Variants in SNX9 observed in about 807,000 individuals in gnomAD.
SNX9 encodes sorting nexin 9, also known as sorting nexin-9.
SNX9 carries 44 observed loss-of-function variants against 89.4 expected under a neutral mutation model. That is an observed-to-expected ratio of 0.49 (90% CI 0.39 to 0.63). The LOEUF (loss-of-function observed/expected upper bound fraction) is 0.63. Ranked by LOEUF, SNX9 falls within the 30% of genes least tolerant of loss-of-function variation. SNX9 has a pLI of 0.00. For missense variants in SNX9, 578 were observed against 736.1 expected, an observed-to-expected ratio of 0.79 and a Z score of 2.49; for synonymous variants, 236 against 247.8, an observed-to-expected ratio of 0.95 and a Z score of 0.45.
At chr6:157,905,107 G>A (rs1431311735) in intron 6 of SNX9, among the ~76,000 whole-genome samples, 1 of 152,158 alleles carries the variant, frequency 6.6e-6, no homozygotes, top group African/African-American at 2.4e-5. Flanking sequence ...CCTAAGTGTT[G>A]GAGTCAGAAT....
intron 4 of SNX9, among the ~76,000 whole-genome samples, chr6:157,882,190 T>C (rs1249006351): frequency 2.0e-5 from 3 of 152,236 alleles, no homozygotes; most frequent in African/African-American, 7.2e-5. Context: ...GAATCTACTC[T>C]GCCTGTCTTC....
chr6:157,889,430 C>CAAAAAAA (rs56303673), intron 4 of SNX9, among the ~76,000 whole-genome samples: 2 of 58,502 alleles, frequency 3.4e-5, no homozygotes, highest in Admixed American at 1.8e-4. Context: ...GACCCTGTCT[C>CAAAAAAA]AAAAAAAAAA....
At chr6:157,942,284 A>C (rs1355538602) in intron 17 of SNX9, among the ~76,000 whole-genome samples, 2 of 152,226 alleles carry the variant, frequency 1.3e-5, no homozygotes, top group Non-Finnish European at 2.9e-5. Context: ...AGGGATGGAT[A>C]AGACAGCTGT....
chr6:157,827,529 A>ATATATAAACATATATTATAGTTTATATAT (rs1781398864), intron 1 of SNX9, among the ~76,000 whole-genome samples: 1 of 40,276 alleles, frequency 2.5e-5, no homozygotes, highest in East Asian at 4.8e-4. Flanking sequence ...AGTTTATATA[A>ATATATAAACATATATTATAGTTTATATAT]TATATAAACA....
At position 157,840,076 on chromosome 6, in the gene SNX9, CGGG is replaced by C. The variant is rs1562590700; in HGVS notation, c.12+16631_12+16633del. ...GGAAGGTGGGGGTGTCTTTGGATCTCGGGAAAGAGCAGACCCTCAGGCTGGTGC... is the reference window on the plus strand; with the variant it reads ...GGAAGGTGGGGGTGTCTTTGGATCTCAAAGAGCAGACCCTCAGGCTGGTGC... On this transcript the variant is annotated intron_variant, in intron 1 of 17. Transcript: ENST00000392185. Among the ~76,000 whole-genome samples, 1,210 of 150,938 alleles carry C rather than the reference CGGG, an allele frequency of 8.0e-3. 22 individuals are homozygous for C. The highest frequency in any genetic ancestry group is 0.028 in the African/African-American group (1,154 of 40,970).
At position 157,873,566 on chromosome 6, in the gene SNX9, ATATT is replaced by A. The variant is rs1360238785; in HGVS notation, c.174+394_174+397del. Among the ~76,000 whole-genome samples the A allele has an allele frequency of 1.3e-4, 19 of 146,250 alleles. No homozygotes were observed. The South Asian group carries it at 1.9e-3, about 15-fold the overall frequency. On this transcript the variant is annotated intron_variant, in intron 3 of 17. Transcript: ENST00000392185. ...CTGTTAATATATACATTTTAAATAT[ATATT>A]TATATTTTTATAAGCAAAATATATA...
intron 1 of SNX9, among the ~76,000 whole-genome samples, chr6:157,859,869 A>G (rs1395637712): frequency 6.6e-6 from 1 of 151,980 alleles, no homozygotes; most frequent in Admixed American, 6.5e-5. Context: ...TTCCTTTATG[A>G]CTTCTGCTGT....
chr6:157,920,304 T>C (rs762615129), intron 9 of SNX9, among the ~76,000 whole-genome samples: 9 of 152,328 alleles, frequency 5.9e-5, no homozygotes, highest in Admixed American at 1.3e-4. Flanking sequence ...TATGCATGGT[T>C]CAACCTTGGC....
intron 1 of SNX9, among the ~76,000 whole-genome samples, chr6:157,856,633 A>G (rs918255935): frequency 1.5e-4 from 23 of 152,178 alleles, no homozygotes; most frequent in Non-Finnish European, 2.5e-4. Context: ...TCTTCTCTTC[A>G]TTTATAGGTT....
At chr6:157,830,696 T>G (rs1781463446) in intron 1 of SNX9, 1 of 152,220 alleles carries the variant, frequency 6.6e-6, no homozygotes, top group South Asian at 2.1e-4. Context: ...TTAGTGTGAC[T>G]GAGGAACTGT....
At position 157,875,077 on chromosome 6, in the gene SNX9, A is replaced by G. The variant is rs373503030; in HGVS notation, c.201A>G (p.Gln67=). ...VEILPSDGKD[Q]FSCGNSVADQ... ...TTTTACCCAGTGATGGAAAAGATCA[A>G]TTTTCTTGTGGAAATTCAGTGGCTG... Residue 67 remains glutamine (Q), a synonymous_variant, in exon 4 of 18, where the codon CAA becomes CAG. Coordinates refer to ENST00000392185, the MANE Select transcript of SNX9 (RefSeq NM_016224.5). 1.0e-4 allele frequency: 165 copies of G among 1,613,940 alleles called. No homozygotes were observed. The Admixed American group carries it at 2.1e-3, about 20-fold the overall frequency.
intron 1 of SNX9, among the ~76,000 whole-genome samples, chr6:157,835,591 T>C (rs568878506): frequency 6.6e-6 from 1 of 152,098 alleles, no homozygotes; most frequent in East Asian, 1.9e-4. Context: ...TCATCTTGAA[T>C]TGTAATCGCT....
At chr6:157,928,991 T>A (rs190429639) in intron 12 of SNX9, among the ~76,000 whole-genome samples, 10 of 152,344 alleles carry the variant, frequency 6.6e-5, no homozygotes, top group Admixed American at 6.5e-4. Flanking sequence ...TTTTGCATGT[T>A]TTCAGAGTGC....
In SNX9 at chr6:157,940,781, A is replaced by G. The variant is rs1172565099; in HGVS notation, c.1649-102A>G. ...AGAACTGACAACAGCAGCCAACCAGATTAGGTCAGGTTGATGATTAATTGT... is the reference window on the plus strand; with the variant it reads ...AGAACTGACAACAGCAGCCAACCAGGTTAGGTCAGGTTGATGATTAATTGT... On this transcript the variant is annotated intron_variant, in intron 16 of 17. Coordinates refer to ENST00000392185, the MANE Select transcript of SNX9 (RefSeq NM_016224.5). 1.2e-5 allele frequency: 12 copies of G among 1,031,314 alleles called. 1 individual carries two copies. The South Asian group carries it at 1.4e-4, about 12-fold the overall frequency. 63.9% of individuals were successfully genotyped at this position (1,031,314 alleles called of 1,614,324 possible). A position where few individuals can be genotyped will look rare whatever the true frequency, so the allele number is the denominator to read the frequency against.
At chr6:157,835,387 C>T (rs1781562591) in intron 1 of SNX9, among the ~76,000 whole-genome samples, 3 of 149,812 alleles carry the variant, frequency 2.0e-5, no homozygotes, top group Admixed American at 2.0e-4. Context: ...GCAAAGTTTT[C>T]AGCCTTTAAA....
In SNX9 at chr6:157,879,129, T is replaced by A. The variant is rs1311968120; in HGVS notation, c.300+3953T>A. Among the ~76,000 whole-genome samples the A allele has an allele frequency of 2.6e-5, 4 of 152,222 alleles. No homozygotes were observed. The East Asian group carries it at 5.8e-4, about 22-fold the overall frequency. On this transcript the variant is annotated intron_variant, in intron 4 of 17. Coordinates refer to ENST00000392185, the MANE Select transcript of SNX9 (RefSeq NM_016224.5). ...CGGTAATGTATATGAGTATTTACAA[T>A]GCATATCTCTAAGGCCCAGCGGTTC...
At chr6:157,882,088 C>T (rs943216776) in intron 4 of SNX9, among the ~76,000 whole-genome samples, 1 of 152,212 alleles carries the variant, frequency 6.6e-6, no homozygotes. Flanking sequence ...CAGGCTGACT[C>T]TCTTTAAGGG....
chr6:157,899,510 C>T (rs750694452), intron 5 of SNX9, among the ~76,000 whole-genome samples: 3 of 152,132 alleles, frequency 2.0e-5, no homozygotes, highest in African/African-American at 2.4e-5. Flanking sequence ...TATATTTTCA[C>T]GCCTGTAATC....
chr6:157,835,526 C>G (rs1011314411), intron 1 of SNX9, among the ~76,000 whole-genome samples: 2 of 151,706 alleles, frequency 1.3e-5, no homozygotes, highest in Admixed American at 6.6e-5. Flanking sequence ...AATCCTCCTG[C>G]CTCATCCTCT....
Sources: allele counts gnomAD v4.1 joint callset (sites outside exome capture counted in the v4.1 genomes callset), GRCh38; gene constraint gnomAD v4.1.1; transcripts MANE v1.5; gene names NCBI Gene and HGNC (gene_info 2026-07-23, HGNC 2026-07-21).